The following EDIL3 variants were observed in gnomAD, a reference collection of about 807,000 sequenced individuals.
EDIL3 encodes EGF-like repeat and discoidin I-like domain-containing protein 3.
Under a neutral mutation model 67.4 loss-of-function variants are expected in EDIL3, and 37 were observed. The ratio of observed to expected loss-of-function variants is 0.55; its 90% CI spans 0.42 to 0.72. The LOEUF (loss-of-function observed/expected upper bound fraction) is 0.72, where lower values mean the gene tolerates loss of function less well. Among genes scored for constraint, EDIL3 ranks in the 30% least tolerant of loss-of-function variants. EDIL3 has a pLI of 0.00. For synonymous variants in EDIL3, 195 were observed against 196.3 expected (o/e 0.99, Z 0.05); for missense variants, 527 against 586.3 (o/e 0.90, Z 1.04).
intron 1 of EDIL3, among the ~76,000 whole-genome samples, chr5:84,298,164 T>C (rs1173735850): frequency 6.6e-6 from 1 of 152,142 alleles, no homozygotes; most frequent in African/African-American, 2.4e-5. Context: ...CATTCTATTA[T>C]AAAGATACAT....
intron 4 of EDIL3, among the ~76,000 whole-genome samples, chr5:84,167,409 T>G (rs763225416): frequency 2.0e-5 from 3 of 152,098 alleles, no homozygotes; most frequent in Non-Finnish European, 2.9e-5. Context: ...CTTCTCTCCC[T>G]GCTTCTCACC....
In EDIL3 at chr5:84,354,870, T is replaced by C. The variant is rs767817943; in HGVS notation, c.67+29438A>G. 2.6e-5 allele frequency among the ~76,000 whole-genome samples: 4 copies of C among 152,174 alleles called. No individual in the cohort carries two copies. The East Asian group carries it at 7.7e-4, about 29-fold the overall frequency. Reference sequence around the variant, plus strand: ...GAATCATTTTAGTATCTGTAGTTTATGTTTGCTTCATATTTTTTAAGCATC... The same window carrying C: ...GAATCATTTTAGTATCTGTAGTTTACGTTTGCTTCATATTTTTTAAGCATC... On this transcript the variant is annotated intron_variant, in intron 1 of 10. Transcript: ENST00000296591.
In EDIL3 at chr5:84,154,874, A is replaced by G. The variant is rs577626352; in HGVS notation, c.356-17520T>C. Among the ~76,000 whole-genome samples, 12 of 151,510 alleles carry G rather than the reference A, an allele frequency of 7.9e-5. No homozygotes were observed. The South Asian group carries it at 2.5e-3, about 32-fold the overall frequency. ...GCCACCACGCCCAGCTAATTTTCGT[A>G]TTTTTAGAAGAGACGGAGTTTCACC... On this transcript the variant is annotated intron_variant, in intron 4 of 10. Coordinates refer to ENST00000296591, the MANE Select transcript of EDIL3 (RefSeq NM_005711.5).
intron 4 of EDIL3, among the ~76,000 whole-genome samples, chr5:84,180,148 G>A (rs896014130): frequency 6.6e-6 from 1 of 152,006 alleles, no homozygotes; most frequent in African/African-American, 2.4e-5. Context: ...AAGGATAGTG[G>A]GGCAATAATA....
rs139568125 is a variant in EDIL3, at chr5:84,106,764, G to A, written c.536C>T (p.Thr179Ile). 1.8e-4 allele frequency: 294 copies of A among 1,613,470 alleles called. 1 individual carries two copies. Among genetic ancestry groups the A allele is most frequent in the Non-Finnish European group, 2.7e-5 (32 of 1,179,616 alleles). ...ISNQQITASS[T>I]HRALFGLQKW... ...TTGGAGTCCAAAAAGAGCTCGGTGAGTAGAGGAAGCTGTGATTTGCTGGTT... is the reference window on the plus strand; with the variant it reads ...TTGGAGTCCAAAAAGAGCTCGGTGAATAGAGGAAGCTGTGATTTGCTGGTT... Residue 179 changes from threonine to isoleucine, a missense_variant, in exon 6 of 11, where the codon ACT (threonine) becomes ATT (isoleucine). Around this residue, in one of 2 missense-constraint regions of EDIL3, gnomAD observed 494 missense variants for 522.5 expected, o/e 0.95. Coordinates refer to ENST00000296591, the MANE Select transcript of EDIL3 (RefSeq NM_005711.5).
At chr5:84,000,344 C>G (rs1053667375) in intron 9 of EDIL3, among the ~76,000 whole-genome samples, 1 of 152,032 alleles carries the variant, frequency 6.6e-6, no homozygotes, top group Non-Finnish European at 1.5e-5. Flanking sequence ...CCTATGACCA[C>G]TTTTAAAGAT....
chr5:84,258,373 G>A (rs144223809), intron 1 of EDIL3, among the ~76,000 whole-genome samples: 84 of 152,276 alleles, frequency 5.5e-4, no homozygotes, highest in African/African-American at 2.0e-3. Context: ...GATTGACCAG[G>A]GAGAGCCTCA....
At chr5:84,288,317 C>A (rs1356358429) in intron 1 of EDIL3, among the ~76,000 whole-genome samples, 1 of 152,110 alleles carries the variant, frequency 6.6e-6, no homozygotes, top group Non-Finnish European at 1.5e-5. Flanking sequence ...ATCCATAATC[C>A]TCTTTTGCCT....
chr5:84,138,770 TTCTC>T (rs545377820), intron 4 of EDIL3, among the ~76,000 whole-genome samples: 144 of 152,270 alleles, frequency 9.5e-4, no homozygotes, highest in Non-Finnish European at 1.8e-3. Context: ...GGTAATAACT[TTCTC>T]TCAAAAAGCA....
At chr5:84,025,034 C>T (rs1182203886) in intron 9 of EDIL3, among the ~76,000 whole-genome samples, 1 of 152,040 alleles carries the variant, frequency 6.6e-6, no homozygotes, top group African/African-American at 2.4e-5. Context: ...TCCCAGAAGC[C>T]CTCCAGTAGA....
rs961464915 is a variant in EDIL3 at position 84,226,490 on chromosome 5, C to G, written c.226+3365G>C. On this transcript the variant is annotated intron_variant, in intron 3 of 10. Transcript: ENST00000296591. Reference sequence around the variant, plus strand: ...TAAAATGAACTCAAAAATCTCAATCCAATTTTCATAATTATTCGTATTCCT... The same window carrying G: ...TAAAATGAACTCAAAAATCTCAATCGAATTTTCATAATTATTCGTATTCCT... Among the ~76,000 whole-genome samples the G allele has an allele frequency of 1.5e-4, 22 of 151,684 alleles. No homozygotes were observed. In the East Asian group the frequency reaches 3.3e-3, roughly 23 times the overall value.
chr5:84,341,704 C>A (rs1370537848), intron 1 of EDIL3, among the ~76,000 whole-genome samples: 3 of 127,730 alleles, frequency 2.3e-5, no homozygotes, highest in African/African-American at 8.5e-5. Flanking sequence ...GAAAATCTGT[C>A]CCATTTCAAC....
intron 9 of EDIL3, among the ~76,000 whole-genome samples, chr5:84,042,831 G>A (rs559300794): frequency 6.6e-6 from 1 of 152,280 alleles, no homozygotes; most frequent in South Asian, 2.1e-4. Context: ...CCTACAAAAT[G>A]TCTACTGCTT....
rs190218255 is a variant in EDIL3, at chr5:84,186,587, T to A, written c.227-6066A>T. Among the ~76,000 whole-genome samples, 18 of 152,196 alleles carry A rather than the reference T, an allele frequency of 1.2e-4. 1 individual carries two copies. The East Asian group carries it at 3.5e-3, about 29-fold the overall frequency. On this transcript the variant is annotated intron_variant, in intron 3 of 10. Transcript: ENST00000296591. ...ATTTCTTTGTTCATATAATGGTTCCTGGAAATTTAATTCTAGGATTTCCTA... is the reference window on the plus strand; with the variant it reads ...ATTTCTTTGTTCATATAATGGTTCCAGGAAATTTAATTCTAGGATTTCCTA...
intron 3 of EDIL3, among the ~76,000 whole-genome samples, chr5:84,216,385 A>G (rs1025959827): frequency 1.3e-5 from 2 of 152,272 alleles, no homozygotes; most frequent in African/African-American, 4.8e-5. Context: ...GTACAATTTT[A>G]TAATATATGC....
chr5:84,173,449 A>AC (rs1748846625), intron 4 of EDIL3, among the ~76,000 whole-genome samples: 1 of 152,014 alleles, frequency 6.6e-6, no homozygotes, highest in African/African-American at 2.4e-5. Context: ...ACTCCCCTGC[A>AC]CCCACTGGAA....
At chr5:84,085,718 C>T (rs1210998994) in intron 6 of EDIL3, among the ~76,000 whole-genome samples, 1 of 152,132 alleles carries the variant, frequency 6.6e-6, no homozygotes, top group African/African-American at 2.4e-5. Context: ...CTGGGAGAAT[C>T]CCCCTTGTCA....
At chr5:84,041,685 T>C (rs1162690776) in intron 9 of EDIL3, among the ~76,000 whole-genome samples, 1 of 136,998 alleles carries the variant, frequency 7.3e-6, no homozygotes, top group Non-Finnish European at 1.5e-5. Flanking sequence ...CTTATATTTG[T>C]GTATATCTCT....
At chr5:84,146,563 T>G (rs1580348740) in intron 4 of EDIL3, among the ~76,000 whole-genome samples, 1 of 152,244 alleles carries the variant, frequency 6.6e-6, no homozygotes, top group East Asian at 1.9e-4. Flanking sequence ...CCTAAAATGT[T>G]AGTTTGGAAT....
Sources: allele counts gnomAD v4.1 joint callset (sites outside exome capture counted in the v4.1 genomes callset), GRCh38; gene constraint gnomAD v4.1.1; regional missense constraint gnomAD v4.1.1; transcripts MANE v1.5; gene names NCBI Gene and HGNC (gene_info 2026-07-23, HGNC 2026-07-21).